The following CRPPA variants were observed in gnomAD, a reference collection of about 807,000 sequenced individuals.
CRPPA encodes CDP-L-ribitol pyrophosphorylase A, also known as D-ribitol-5-phosphate cytidylyltransferase.
CRPPA carries 43 observed loss-of-function variants against 52.0 expected under a neutral mutation model. The observed-to-expected ratio is 0.83, with a 90% CI of 0.65 to 1.07. The LOEUF (loss-of-function observed/expected upper bound fraction) is 1.07, where lower values mean the gene tolerates loss of function less well. CRPPA is among the 50% of genes least tolerant of loss of function. CRPPA has a pLI of 0.00. For missense variants in CRPPA, 629 were observed against 551.7 expected, an observed-to-expected ratio of 1.14 and a Z score of -1.40; for synonymous variants, 250 against 203.5, an observed-to-expected ratio of 1.23 and a Z score of -1.94.
At chr7:16,253,172 C>T (rs1783508448) in intron 8 of CRPPA, among the ~76,000 whole-genome samples, 1 of 152,250 alleles carries the variant, frequency 6.6e-6, no homozygotes, top group East Asian at 1.9e-4. Context: ...GCTCAAGCTT[C>T]TCTAGTTCTT....
At chr7:16,100,632 A>G (rs1237188101) in intron 9 of CRPPA, among the ~76,000 whole-genome samples, 1 of 152,200 alleles carries the variant, frequency 6.6e-6, no homozygotes, top group African/African-American at 2.4e-5. Flanking sequence ...TCCTATTTGA[A>G]TATCCTTTAT....
intron 8 of CRPPA, among the ~76,000 whole-genome samples, chr7:16,249,044 C>A (rs544512304): frequency 6.6e-6 from 1 of 152,062 alleles, no homozygotes; most frequent in Non-Finnish European, 1.5e-5. Flanking sequence ...TGGGAGGGGG[C>A]GTCCACCATT....
intron 8 of CRPPA, among the ~76,000 whole-genome samples, chr7:16,226,600 G>C (rs1032626001): frequency 3.3e-5 from 5 of 151,704 alleles, no homozygotes; most frequent in Non-Finnish European, 5.9e-5. Context: ...ATAAAACTCA[G>C]GTCATCAGTT....
intron 3 of CRPPA, among the ~76,000 whole-genome samples, chr7:16,364,826 C>T (rs566014822): frequency 6.6e-6 from 1 of 152,106 alleles, no homozygotes; most frequent in Non-Finnish European, 1.5e-5. Context: ...TCAGCCAGCC[C>T]ACATAACAAA....
At chr7:16,392,456 A>T (rs1219208655) in intron 2 of CRPPA, among the ~76,000 whole-genome samples, 2 of 152,184 alleles carry the variant, frequency 1.3e-5, no homozygotes, top group Non-Finnish European at 2.9e-5. Context: ...GACTTATATT[A>T]TCTGAAAGAC....
At chr7:16,164,813 T>A (rs188191761) in intron 9 of CRPPA, among the ~76,000 whole-genome samples, 40 of 152,288 alleles carry the variant, frequency 2.6e-4, no homozygotes, top group African/African-American at 9.6e-4. Context: ...CAGACACTGT[T>A]TGCCCACGTA....
intron 6 of CRPPA, chr7:16,270,418 CAATT>C (rs1469159773): frequency 4.6e-5 from 7 of 152,114 alleles, no homozygotes; most frequent in South Asian, 2.1e-4. Flanking sequence ...CTAGCTCCCT[CAATT>C]AATATTTTAA....
chr7:16,400,988 C>G (rs1031938752), intron 2 of CRPPA, among the ~76,000 whole-genome samples: 1 of 152,174 alleles, frequency 6.6e-6, no homozygotes, highest in African/African-American at 2.4e-5. Flanking sequence ...TGTTCAATAA[C>G]CAGGTAGCTC....
At position 16,093,984 on chromosome 7, in the gene CRPPA, T is replaced by C. The variant is rs530244370; in HGVS notation, c.1252-2185A>G. 5.3e-5 allele frequency among the ~76,000 whole-genome samples: 8 copies of C among 152,298 alleles called. No homozygotes were observed. The South Asian group carries it at 1.4e-3, about 28-fold the overall frequency. On this transcript the variant is annotated intron_variant, in intron 9 of 9. Coordinates refer to ENST00000407010, the MANE Select transcript of CRPPA (RefSeq NM_001101426.4). Reference sequence around the variant, plus strand: ...CGTTGAAACCAGTTTATACTTGTTATAATGAAGGCAGCACAGTAACAAATG... The same window carrying C: ...CGTTGAAACCAGTTTATACTTGTTACAATGAAGGCAGCACAGTAACAAATG...
intron 3 of CRPPA, among the ~76,000 whole-genome samples, chr7:16,331,839 A>G (rs1012834280): frequency 6.6e-6 from 1 of 152,218 alleles, no homozygotes; most frequent in Admixed American, 6.5e-5. Context: ...TCAGAATAGA[A>G]TAATTAAGAG....
At chr7:16,251,273 TA>T (rs1783441879) in intron 8 of CRPPA, among the ~76,000 whole-genome samples, 1 of 152,092 alleles carries the variant, frequency 6.6e-6, no homozygotes, top group African/African-American at 2.4e-5. Flanking sequence ...CACCCAATAA[TA>T]GGGGGAGACT....
At chr7:16,293,694 T>G (rs2128421182) in intron 5 of CRPPA, among the ~76,000 whole-genome samples, 1 of 152,122 alleles carries the variant, frequency 6.6e-6, no homozygotes, top group African/African-American at 2.4e-5. Flanking sequence ...AGTGGTCTTC[T>G]GAAAAGCTAA....
chr7:16,269,789 A>G (rs1477574767), intron 6 of CRPPA: 1 of 152,188 alleles, frequency 6.6e-6, no homozygotes, highest in Non-Finnish European at 1.5e-5. Flanking sequence ...TTGTAAAGTA[A>G]AATTATACTA....
Position 16,133,639 on chromosome 7 carries a change from A to T in CRPPA, c.1252-41840T>A, listed in dbSNP as rs1246657028. On this transcript the variant is annotated intron_variant, in intron 9 of 9. Transcript: ENST00000407010. ...CTCCCATGGTTCTTAGGTATTTTTC[A>T]TCATGTTTAGTCTAATACTGTAAAC... Among the ~76,000 whole-genome samples the T allele has an allele frequency of 4.8e-5, 6 of 124,044 alleles. 2 individuals carry two copies. The highest frequency in any genetic ancestry group is 1.1e-4 in the Non-Finnish European group (6 of 54,628). 81.4% of individuals were successfully genotyped at this position (124,044 alleles called of 152,430 possible).
intron 9 of CRPPA, among the ~76,000 whole-genome samples, chr7:16,126,633 C>T (rs965906789): frequency 6.2e-4 from 94 of 152,144 alleles, no homozygotes; most frequent in African/African-American, 1.5e-3. Flanking sequence ...TTTGGAGATA[C>T]TGAAAACTAA....
chr7:16,107,124 G>A (rs188718057), intron 9 of CRPPA, among the ~76,000 whole-genome samples: 2 of 151,962 alleles, frequency 1.3e-5, no homozygotes, highest in Admixed American at 1.3e-4. Context: ...TTAAGGGACA[G>A]CAGCAAAGGA....
intron 6 of CRPPA, among the ~76,000 whole-genome samples, chr7:16,271,964 T>C (rs1440630498): frequency 1.3e-5 from 2 of 152,214 alleles, no homozygotes; most frequent in Non-Finnish European, 2.9e-5. Flanking sequence ...AATCATATCT[T>C]CCCACTTATA....
chr7:16,406,386 A>C (rs1410452516), intron 1 of CRPPA, 49 bp from the exon 2 acceptor site: 3 of 1,502,658 alleles, frequency 2.0e-6, no homozygotes, highest in East Asian at 2.3e-5. Flanking sequence ...TTAGACAACT[A>C]AAGTGAGTAA....
At chr7:16,141,761 A>G (rs1283162404) in intron 9 of CRPPA, among the ~76,000 whole-genome samples, 6 of 152,320 alleles carry the variant, frequency 3.9e-5, no homozygotes, top group African/African-American at 1.4e-4. Context: ...TCATCTACCA[A>G]TGTCAAACAT....
Sources: allele counts gnomAD v4.1 joint callset (sites outside exome capture counted in the v4.1 genomes callset), GRCh38; gene constraint gnomAD v4.1.1; transcripts MANE v1.5; gene names NCBI Gene and HGNC (gene_info 2026-07-23, HGNC 2026-07-21).